Variants in GUCD1 observed in about 807,000 individuals in gnomAD.
The protein encoded by GUCD1 is guanylyl cyclase domain containing 1.
GUCD1 carries 17 observed loss-of-function variants against 28.3 expected under a neutral mutation model. The ratio of observed to expected loss-of-function variants is 0.60; its 90% confidence interval spans 0.41 to 0.90. GUCD1 has a LOEUF of 0.90. Among genes scored for constraint, GUCD1 ranks in the 40% least tolerant of loss-of-function variants. GUCD1 has a pLI of 0.00. For missense variants in GUCD1, 279 were observed against 305.5 expected (o/e 0.91, Z 0.65); for synonymous variants, 129 against 123.3 (o/e 1.05, Z -0.30).
At chr22:24,544,772 G>A (rs536231390) in intron 4 of GUCD1, among the ~76,000 whole-genome samples, 1 of 152,296 alleles carries the variant, frequency 6.6e-6, no homozygotes, top group African/African-American at 2.4e-5. Context: ...AGTGCTTTGG[G>A]AGGCCAAAGC....
At chr22:24,554,827 C>A in intron 1 of GUCD1, 122 bp downstream of exon 1, 2 of 723,982 alleles carry the variant, frequency 2.8e-6, no homozygotes, top group Non-Finnish European at 4.7e-6. Context: ...TGACTGGAAC[C>A]AGGCGGGTGT....
chr22:24,554,618 G>A (rs1336970940), intron 1 of GUCD1, among the ~76,000 whole-genome samples: 1 of 152,230 alleles, frequency 6.6e-6, no homozygotes, highest in Non-Finnish European at 1.5e-5. Flanking sequence ...CAGGGCACTG[G>A]CCCTTCCATT....
In GUCD1 at chr22:24,541,519, A is replaced by G. The variant is rs2011947; in HGVS notation, c.*1487T>C. On this transcript the variant is annotated 3_prime_UTR_variant, in exon 6 of 6. Coordinates refer to ENST00000435822, the MANE Select transcript of GUCD1 (RefSeq NM_001284254.2). ...GTGGCATGTGCCTGTAGTCCCAGCT[A>G]GTGGGGGGCTGAGGCAGGAGGATCG... The G allele has an allele frequency of 0.73, 111,103 of 152,062 alleles. 42,392 individuals carry two copies. Among genetic ancestry groups the G allele is most frequent in the East Asian group, 0.85 (4,386 of 5,180 alleles). The allele number at this position is 152,062 out of a possible 1,614,324, so 9.4% of individuals were successfully genotyped here.
intron 1 of GUCD1, among the ~76,000 whole-genome samples, chr22:24,549,222 G>A (rs886221899): frequency 1.1e-4 from 17 of 152,198 alleles, no homozygotes; most frequent in Non-Finnish European, 2.9e-5. Flanking sequence ...AAATCCTCCA[G>A]TGAGCTGGGT....
At chr22:24,546,854 G>T in intron 4 of GUCD1, 60 bp downstream of exon 4, 1 of 1,440,712 alleles carries the variant, frequency 6.9e-7, no homozygotes, top group Non-Finnish European at 9.8e-7. Flanking sequence ...CCTCCCCACT[G>T]CAGATCTGTG....
At chr22:24,544,257 A>C (rs2044669115) in intron 4 of GUCD1, among the ~76,000 whole-genome samples, 174 bp from the exon 5 acceptor site, 1 of 151,720 alleles carries the variant, frequency 6.6e-6, no homozygotes, top group Admixed American at 6.6e-5. Context: ...AGAGCCAAGC[A>C]GGAGACCGGT....
At chr22:24,547,820 G>C in intron 3 of GUCD1, 88 bp downstream of exon 3, 3 of 1,413,594 alleles carry the variant, frequency 2.1e-6, no homozygotes, top group African/African-American at 1.4e-5. Context: ...TCTAGCCCTT[G>C]ACTGTTCCCT....
At chr22:24,555,281 G>A (rs890237201), upstream of GUCD1, 13 of 1,365,746 alleles carry the variant, frequency 9.5e-6, no homozygotes, top group East Asian at 8.3e-5. Flanking sequence ...CCGCCTCAGC[G>A]TTGAGTGGCC....
chr22:24,547,082 C>A, intron 3 of GUCD1, 77 bp from the exon 4 acceptor site: 1 of 1,159,154 alleles, frequency 8.6e-7, no homozygotes, highest in Non-Finnish European at 1.3e-6. Flanking sequence ...AAATAAAGAG[C>A]GTGTTACAGA....
intron 1 of GUCD1, among the ~76,000 whole-genome samples, chr22:24,551,339 T>A (rs531446435): frequency 4.1e-4 from 62 of 152,328 alleles, no homozygotes; most frequent in Non-Finnish European, 7.5e-4. Context: ...TCAGTGGCAC[T>A]GACCCCTGCC....
intron 4 of GUCD1, among the ~76,000 whole-genome samples, chr22:24,545,621 T>C (rs185719501): frequency 6.6e-6 from 1 of 152,068 alleles, no homozygotes; most frequent in Non-Finnish European, 1.5e-5. Context: ...TTTTTTTTTT[T>C]GAGACAGAGT....
At chr22:24,544,931 G>A (rs2044687283) in intron 4 of GUCD1, among the ~76,000 whole-genome samples, 1 of 151,894 alleles carries the variant, frequency 6.6e-6, no homozygotes, top group African/African-American at 2.4e-5. Flanking sequence ...GAGGCAAGAA[G>A]ATCACTTAAG....
At chr22:24,546,400 G>A (rs985271474) in intron 4 of GUCD1, among the ~76,000 whole-genome samples, 2 of 152,172 alleles carry the variant, frequency 1.3e-5, no homozygotes, top group African/African-American at 2.4e-5. Context: ...CCACTCCCAC[G>A]TAGCCCAGAA....
chr22:24,543,093 C>T lies in GUCD1; in HGVS notation c.633G>A (p.Met211Ile). 6.2e-7 allele frequency: 1 copy of T among 1,613,598 alleles called. No homozygotes were observed. Among genetic ancestry groups the T allele is most frequent in the Non-Finnish European group, 8.5e-7 (1 of 1,179,518 alleles). ...CAAAGTTACTGATGCTGGTGCTGCA[C>T]ATTCCTGCTGGGGGTGGGGAAGGCA... ...FYNNPAYADR[M>I]CSTSISNFEE... Residue 211 changes from methionine to isoleucine, a missense_variant, in exon 6 of 6, where the codon ATG (methionine) becomes ATA (isoleucine). By Grantham distance (10) the Met-to-Ile change is conservative. Coordinates refer to ENST00000435822, the MANE Select transcript of GUCD1 (RefSeq NM_001284254.2).
chr22:24,552,393 A>C (rs1005287212), intron 1 of GUCD1, among the ~76,000 whole-genome samples: 1 of 152,238 alleles, frequency 6.6e-6, no homozygotes, highest in Admixed American at 6.5e-5. Flanking sequence ...GACAGCAGGA[A>C]ACTTGCTGAT....
At chr22:24,553,915 T>C (rs1479787962) in intron 1 of GUCD1, among the ~76,000 whole-genome samples, 1 of 152,232 alleles carries the variant, frequency 6.6e-6, no homozygotes, top group Non-Finnish European at 1.5e-5. Flanking sequence ...GCTTTAGCCT[T>C]CTAAACACAA....
At position 24,543,005 on chromosome 22, in the gene GUCD1, G is replaced by C. The variant is rs2044630756; in HGVS notation, c.*1C>G. 1 of 1,610,540 alleles carries C rather than the reference G, an allele frequency of 6.2e-7. No individual in the cohort carries two copies. Among genetic ancestry groups the C allele is most frequent in the South Asian group, 1.1e-5 (1 of 91,002 alleles). ...GGCCTAGGCGCACCAGGCTCCTGCT[G>C]TCAGCTGTCCAAGTAGACAAAGAGG... On this transcript the variant is annotated 3_prime_UTR_variant, in exon 6 of 6. Transcript: ENST00000435822.
chr22:24,551,375 A>AGCACCTCTC (rs2044868596), intron 1 of GUCD1, among the ~76,000 whole-genome samples: 1 of 152,142 alleles, frequency 6.6e-6, no homozygotes, highest in South Asian at 2.1e-4. Flanking sequence ...TTCCACTCCC[A>AGCACCTCTC]GCACCTCTCC....
rs377337241 is a variant in GUCD1 at position 24,544,098 on chromosome 22, G to C, written c.387-15C>G. 6.2e-6 allele frequency: 10 copies of C among 1,603,194 alleles called. No individual in the cohort carries two copies. In the African/African-American group the frequency reaches 1.1e-4, roughly 17 times the overall value. ...CACTCACTGTGCTGTGGGCGGGAGG[G>C]GGGTCAGCTGGTGCTGCTGGGCCCC... On this transcript the variant is annotated splice_polypyrimidine_tract_variant and intron_variant, in intron 4 of 5. Transcript: ENST00000435822.
Sources: gnomAD v4.1 joint callset for allele counts (sites outside exome capture counted in the v4.1 genomes callset) on GRCh38, gnomAD v4.1.1 for gene constraint, MANE v1.5 for transcripts, NCBI Gene and HGNC (gene_info 2026-07-23, HGNC 2026-07-21) for gene names.